The following SLC24A2 variants were observed in gnomAD, a reference collection of about 807,000 sequenced individuals.
The protein encoded by SLC24A2 is sodium/potassium/calcium exchanger 2.
SLC24A2 carries 36 observed loss-of-function variants against 62.0 expected under a neutral mutation model. The observed-to-expected ratio is 0.58, with a 90% CI of 0.44 to 0.77. SLC24A2 has a LOEUF of 0.77. Among genes scored for constraint, SLC24A2 ranks in the 30% least tolerant of loss-of-function variants. The pLI is 0.00. For synonymous variants in SLC24A2, 358 were observed against 294.0 expected, an observed-to-expected ratio of 1.22 and a Z score of -2.23; for missense variants, 846 against 817.9, an observed-to-expected ratio of 1.03 and a Z score of -0.42.
At chr9:19,686,456 A>C (rs1276659671) in intron 2 of SLC24A2, among the ~76,000 whole-genome samples, 5 of 152,076 alleles carry the variant, frequency 3.3e-5, no homozygotes, top group Non-Finnish European at 7.4e-5. Flanking sequence ...ACACATGTAC[A>C]TTGATATGGT....
At chr9:20,205,378 A>C in the SLC24A2 span, among the ~76,000 whole-genome samples, 1 of 152,056 alleles carries the variant, frequency 6.6e-6, no homozygotes, top group Non-Finnish European at 1.5e-5. Flanking sequence ...GCCGGGCGCA[A>C]TGGTTTACAC....
intron 2 of SLC24A2, among the ~76,000 whole-genome samples, chr9:19,766,400 C>T (rs1167554189): frequency 6.6e-6 from 1 of 152,220 alleles, no homozygotes; most frequent in Non-Finnish European, 1.5e-5. Context: ...GAATTTTTAG[C>T]CTACTTGCTC....
chr9:19,671,802 A>G (rs1392088053), intron 2 of SLC24A2, among the ~76,000 whole-genome samples: 1 of 120,000 alleles, frequency 8.3e-6, no homozygotes, highest in Non-Finnish European at 1.7e-5. Context: ...TCCTGCATCT[A>G]TTGAGACGAA....
upstream of SLC24A2, among the ~76,000 whole-genome samples, chr9:19,789,850 C>T (rs1400400944): frequency 2.6e-5 from 4 of 152,268 alleles, no homozygotes; most frequent in Non-Finnish European, 5.9e-5. Flanking sequence ...GAAAGCTTTT[C>T]GCACATTTTC....
chr9:20,194,990 G>A, the SLC24A2 span, among the ~76,000 whole-genome samples: 14 of 152,092 alleles, frequency 9.2e-5, no homozygotes, highest in East Asian at 3.9e-4. Flanking sequence ...GTATACATCC[G>A]TAAACCATGT....
At chr9:19,573,525 CACACAGAGAGAG>C (rs1215535957) in intron 6 of SLC24A2, 56 bp from the exon 7 acceptor site, 3 of 361,058 alleles carry the variant, frequency 8.3e-6, no homozygotes, top group African/African-American at 7.4e-5. Context: ...CACACACACA[CACACAGAGAGAG>C]AGAGAGAGAG....
At chr9:19,984,434 G>A in the SLC24A2 span, among the ~76,000 whole-genome samples, 8 of 152,252 alleles carry the variant, frequency 5.3e-5, no homozygotes, top group South Asian at 4.1e-4. Flanking sequence ...GGCCAGGCAC[G>A]GTGGCTCACA....
At chr9:20,118,844 C>A in the SLC24A2 span, among the ~76,000 whole-genome samples, 1 of 152,072 alleles carries the variant, frequency 6.6e-6, no homozygotes, top group African/African-American at 2.4e-5. Context: ...ATCATCTTCT[C>A]CCCTCCCTTG....
intron 2 of SLC24A2, among the ~76,000 whole-genome samples, chr9:19,743,998 A>G (rs1055399170): frequency 2.6e-5 from 4 of 152,162 alleles, no homozygotes; most frequent in Non-Finnish European, 4.4e-5. Context: ...ACCAAAACCC[A>G]GTCCTGATCA....
intron 2 of SLC24A2, among the ~76,000 whole-genome samples, chr9:19,702,893 T>G (rs71508801): frequency 3.3e-5 from 5 of 151,998 alleles, no homozygotes; most frequent in Non-Finnish European, 7.4e-5. Flanking sequence ...AGTATACATA[T>G]AGCAAAACAT....
intron 8 of SLC24A2, 29 bp from the exon 9 acceptor site, chr9:19,528,167 T>C (rs1354318552): frequency 7.2e-7 from 1 of 1,392,758 alleles, no homozygotes; most frequent in East Asian, 2.4e-5. Flanking sequence ...GAGTTGAGAA[T>C]ATCAGTGTTA....
At chr9:20,203,982 T>A in the SLC24A2 span, among the ~76,000 whole-genome samples, 1 of 151,660 alleles carries the variant, frequency 6.6e-6, no homozygotes, top group Non-Finnish European at 1.5e-5. Context: ...CAGAGTCACA[T>A]TACTCTCCTT....
the SLC24A2 span, among the ~76,000 whole-genome samples, chr9:20,269,125 A>G: frequency 6.6e-6 from 1 of 152,108 alleles, no homozygotes; most frequent in South Asian, 2.1e-4. Flanking sequence ...TTTTTGCCTG[A>G]AGCACGAATT....
the SLC24A2 span, among the ~76,000 whole-genome samples, chr9:19,819,035 A>AGAAACC: frequency 4.5e-5 from 2 of 44,350 alleles, no homozygotes; most frequent in Non-Finnish European, 2.1e-4. Flanking sequence ...GAATCCAGAA[A>AGAAACC]TAAACCCAGA....
intron 7 of SLC24A2, among the ~76,000 whole-genome samples, chr9:19,557,174 C>T (rs1242800494): frequency 2.6e-5 from 4 of 152,186 alleles, no homozygotes; most frequent in Admixed American, 2.6e-4. Context: ...CCACTTTCCT[C>T]AGTTCTAAAA....
intron 7 of SLC24A2, among the ~76,000 whole-genome samples, chr9:19,561,340 G>C: frequency 6.6e-6 from 1 of 150,708 alleles, no homozygotes; most frequent in Admixed American, 6.6e-5. Flanking sequence ...AAGTTTACGT[G>C]TTTCTTATTG....
the SLC24A2 span, among the ~76,000 whole-genome samples, chr9:20,161,816 C>G: frequency 6.6e-6 from 1 of 150,496 alleles, no homozygotes; most frequent in Non-Finnish European, 1.5e-5. Flanking sequence ...ATCTATGTAT[C>G]TACATATATA....
chr9:19,757,564 GGGCCA>G (rs1822180879), intron 2 of SLC24A2, among the ~76,000 whole-genome samples: 1 of 152,134 alleles, frequency 6.6e-6, no homozygotes, highest in South Asian at 2.1e-4. Flanking sequence ...CTTGAGGTAA[GGGCCA>G]GGCCCATAAC....
At chr9:19,518,507 C>T (rs1200736466) in intron 10 of SLC24A2, among the ~76,000 whole-genome samples, 1 of 151,480 alleles carries the variant, frequency 6.6e-6, no homozygotes, top group Non-Finnish European at 1.5e-5. Flanking sequence ...CTGCAACCTC[C>T]ACCTCCTGGG....
Sources: allele counts gnomAD v4.1 joint callset (sites outside exome capture counted in the v4.1 genomes callset), GRCh38; gene constraint gnomAD v4.1.1; transcripts MANE v1.5; gene names NCBI Gene and HGNC (gene_info 2026-07-23, HGNC 2026-07-21).